Variants in SEZ6 observed in about 807,000 individuals in gnomAD.
SEZ6 encodes seizure protein 6 homolog.
A neutral mutation model predicts 101.0 loss-of-function variants in SEZ6; 53 were observed. The ratio of observed to expected loss-of-function variants is 0.52; its 90% CI spans 0.42 to 0.66. The LOEUF is 0.66. Ranked by LOEUF, SEZ6 falls within the 30% of genes least tolerant of loss-of-function variation. SEZ6 has a pLI of 0.00. For synonymous variants in SEZ6, 488 were observed against 512.2 expected (o/e 0.95, Z 0.64); for missense variants, 1,102 against 1,289.4 (o/e 0.85, Z 2.23).
At chr17:28,973,843 T>C (rs2041185609) in intron 3 of SEZ6, among the ~76,000 whole-genome samples, 1 of 152,004 alleles carries the variant, frequency 6.6e-6, no homozygotes, top group Non-Finnish European at 1.5e-5. Context: ...CCATAGCCAG[T>C]GACAGGAGGG....
intron 3 of SEZ6, among the ~76,000 whole-genome samples, chr17:28,979,334 C>CTGAA (rs897369251): frequency 3.3e-5 from 5 of 152,176 alleles, no homozygotes; most frequent in African/African-American, 9.7e-5. Context: ...AGAGGATTTG[C>CTGAA]TGAATGAATG....
At chr17:28,966,180 A>G (rs1384248244) in intron 4 of SEZ6, among the ~76,000 whole-genome samples, 1 of 147,702 alleles carries the variant, frequency 6.8e-6, no homozygotes, top group African/African-American at 2.5e-5. Flanking sequence ...AAAATAAAAT[A>G]AAATAAAAGT....
chr17:28,958,750 A>G (rs1317014148), intron 10 of SEZ6, among the ~76,000 whole-genome samples: 4 of 151,676 alleles, frequency 2.6e-5, no homozygotes, highest in Admixed American at 6.6e-5. Flanking sequence ...AGATCACACC[A>G]TGGTCTGGGT....
intron 1 of SEZ6, among the ~76,000 whole-genome samples, chr17:28,993,213 G>C (rs2041489689): frequency 6.6e-6 from 1 of 152,052 alleles, no homozygotes; most frequent in Non-Finnish European, 1.5e-5. Flanking sequence ...CAGAGTCCTA[G>C]GTAGGGCTGG....
rs774780743 is a variant in SEZ6, at chr17:28,981,671, G to A, written c.424C>T (p.Pro142Ser). 17 of 1,575,336 alleles carry A rather than the reference G, an allele frequency of 1.1e-5. No individual in the cohort carries two copies. The South Asian group carries it at 1.9e-4, about 17-fold the overall frequency. Residue 142 changes from proline to serine, a missense_variant, in exon 2 of 17, where the codon CCG becomes TCG. This residue lies in a region of SEZ6 where 406 missense variants were observed against 418.6 expected (regional missense o/e 0.97). Coordinates refer to ENST00000317338, the MANE Select transcript of SEZ6 (RefSeq NM_178860.5). The stretch of plus-strand genomic sequence containing the variant: ...CGAAGCATAGGGGACTCTGACTCCG[G>A]ACTCCAGGGTCCCTCCTTGGACTGG... ...QPQSKEGPWS[P>S]ESESPMLRIT...
chr17:28,961,586 C>T (rs2040979309), intron 5 of SEZ6, among the ~76,000 whole-genome samples: 1 of 152,230 alleles, frequency 6.6e-6, no homozygotes, highest in Non-Finnish European at 1.5e-5. Flanking sequence ...GGCCTCACTA[C>T]CACTGCCGTT....
At chr17:28,979,644 C>A in intron 3 of SEZ6, 36 bp downstream of exon 3, 1 of 1,613,550 alleles carries the variant, frequency 6.2e-7, no homozygotes. Context: ...AATACACCCG[C>A]CCCAGCTTTG....
chr17:28,996,960 G>C (rs991694104), intron 1 of SEZ6, among the ~76,000 whole-genome samples: 4 of 152,152 alleles, frequency 2.6e-5, no homozygotes, highest in African/African-American at 7.2e-5. Context: ...GAAGGACCAA[G>C]GGTCACCGGA....
At position 28,956,446 on chromosome 17, in the gene SEZ6, G is replaced by T. The variant is rs1185147680; in HGVS notation, c.2753C>A (p.Ser918Tyr). Reference protein sequence around the residue: ...SLDVAKAPAASSTLDAAHIAA... With the variant: ...SLDVAKAPAAYSTLDAAHIAA... ...AATGTGGGCAGCATCCAGGGTGCTGGAGGCAGCAGGTGCCTTGGCAACTGA... is the reference window on the plus strand; with the variant it reads ...AATGTGGGCAGCATCCAGGGTGCTGTAGGCAGCAGGTGCCTTGGCAACTGA... Residue 918 changes from serine (S) to tyrosine (Y), a missense_variant, in exon 15 of 17, where the codon TCC becomes TAC. This residue lies in a region of SEZ6 where 140 missense variants were observed against 135.7 expected (regional missense o/e 1.03). Transcript: ENST00000317338. 4.5e-6 allele frequency: 7 copies of T among 1,557,672 alleles called. No individual in the cohort carries two copies. The highest frequency in any genetic ancestry group is 6.1e-6 in the Non-Finnish European group (7 of 1,151,154).
Position 28,955,591 on chromosome 17 carries a change from A to G in SEZ6, c.*371T>C, listed in dbSNP as rs2040865667. On this transcript the variant is annotated 3_prime_UTR_variant, in exon 17 of 17. Transcript: ENST00000317338. ...TAATCCTGCTGCAGGTTGCCATGCC[A>G]GGGCGGGATGGTGGTCATGTGGAGA... 3 of 494,010 alleles carry G rather than the reference A, an allele frequency of 6.1e-6. No homozygotes were observed. The highest frequency in any genetic ancestry group is 1.9e-5 in the African/African-American group (1 of 51,572). 30.6% of individuals were successfully genotyped at this position (494,010 alleles called of 1,614,324 possible). A position where few individuals can be genotyped will look rare whatever the true frequency, so the allele number is the denominator to read the frequency against.
intron 4 of SEZ6, 56 bp downstream of exon 4, chr17:28,969,701 C>T: frequency 4.4e-6 from 6 of 1,376,524 alleles, no homozygotes; most frequent in Admixed American, 3.7e-5. Flanking sequence ...CCCCCCTCCC[C>T]AGCAAGGAGG....
intron 1 of SEZ6, among the ~76,000 whole-genome samples, chr17:29,004,043 C>T (rs559565362): frequency 6.6e-6 from 1 of 152,198 alleles, no homozygotes; most frequent in South Asian, 2.1e-4. Flanking sequence ...GCAGGGAGCT[C>T]TCTGGCTGAG....
chr17:28,959,412 T>C lies in SEZ6; in HGVS notation c.1832A>G (p.Glu611Gly). ...ACAATCCTGCCCACGACCGTAGGGCTCTGGCCAGTTGGGAGAGAGTACCAC... is the reference window on the plus strand; with the variant it reads ...ACAATCCTGCCCACGACCGTAGGGCCCTGGCCAGTTGGGAGAGAGTACCAC... ...AGVVLSPNWP[E>G]PYGRGQDCIW... is the part of the protein sequence containing the mutation. The change falls in exon 9 of 17, where the codon GAG (glutamate) becomes GGG (glycine). Residue 611 changes from glutamate to glycine, a missense_variant. Around this residue, in one of 3 missense-constraint regions of SEZ6, gnomAD observed 556 missense variants for 735.1 expected, o/e 0.76. Coordinates refer to ENST00000317338, the MANE Select transcript of SEZ6 (RefSeq NM_178860.5). The surrounding 1 kb of genome is among the most constrained non-coding windows in gnomAD (Gnocchi z 4.4). 6.2e-7 allele frequency: 1 copy of C among 1,613,810 alleles called. No homozygotes were observed. Among genetic ancestry groups the C allele is most frequent in the Non-Finnish European group, 8.5e-7 (1 of 1,179,840 alleles).
intron 1 of SEZ6, among the ~76,000 whole-genome samples, chr17:29,004,669 A>G (rs944882480): frequency 5.3e-5 from 8 of 152,142 alleles, no homozygotes; most frequent in Non-Finnish European, 1.2e-4. Context: ...AGAAACTCCC[A>G]CCCTCACACT....
rs567189383 is a variant in SEZ6, at chr17:28,987,745, C to T, written c.56-5706G>A. Among the ~76,000 whole-genome samples, 34 of 152,252 alleles carry T rather than the reference C, an allele frequency of 2.2e-4. No individual in the cohort carries two copies. The South Asian group carries it at 5.8e-3, about 26-fold the overall frequency. ...TGACCATGCACTCAGTGCCCTCATA[C>T]GTAATTTCTCATTCTCCCCTTGCTC... On this transcript the variant is annotated intron_variant, in intron 1 of 16. Transcript: ENST00000317338.
At chr17:28,987,116 G>A (rs181698547) in intron 1 of SEZ6, among the ~76,000 whole-genome samples, 2 of 152,354 alleles carry the variant, frequency 1.3e-5, no homozygotes, top group East Asian at 1.9e-4. Flanking sequence ...ACTCCTCTGG[G>A]TTCCAGAGGT....
At chr17:28,977,676 T>C (rs938138486) in intron 3 of SEZ6, among the ~76,000 whole-genome samples, 1 of 151,734 alleles carries the variant, frequency 6.6e-6, no homozygotes, top group Non-Finnish European at 1.5e-5. Context: ...GGCTCAGCCT[T>C]GTCCAGTGGG....
At chr17:28,962,438 A>G (rs947937149) in intron 5 of SEZ6, among the ~76,000 whole-genome samples, 1 of 152,166 alleles carries the variant, frequency 6.6e-6, no homozygotes, top group African/African-American at 2.4e-5. Context: ...CATCTGTGTT[A>G]TTCAACTCTG....
Position 29,005,748 on chromosome 17 carries a change from T to G in SEZ6, c.55+67A>C. The G allele has an allele frequency of 7.0e-7, 1 of 1,425,296 alleles. No individual in the cohort carries two copies. The highest frequency in any genetic ancestry group is 9.3e-7 in the Non-Finnish European group (1 of 1,076,350). The allele number at this position is 1,425,296 out of a possible 1,614,324, so 88.3% of individuals were successfully genotyped here. ...CAGATGCCCGAAGCTGGGCACCGGG[T>G]CTCCCTTCCCACCCCTGGGGCCCCG... On this transcript the variant is annotated intron_variant, in intron 1 of 16. Transcript: ENST00000317338. The surrounding 1 kb of genome is among the most constrained non-coding windows in gnomAD (Gnocchi z 4.8).
Sources: allele counts gnomAD v4.1 joint callset (sites outside exome capture counted in the v4.1 genomes callset), GRCh38; gene constraint gnomAD v4.1.1; regional missense constraint gnomAD v4.1.1; non-coding constraint Gnocchi (gnomAD v3.1); transcripts MANE v1.5; gene names NCBI Gene and HGNC (gene_info 2026-07-23, HGNC 2026-07-21).